Variants in MYO1E observed in about 807,000 individuals in gnomAD.
The protein encoded by MYO1E is unconventional myosin-Ie.
In MYO1E, 68 loss-of-function variants were observed where a neutral mutation model predicts 151.1. That is an observed-to-expected ratio of 0.45 (90% confidence interval 0.37 to 0.55). MYO1E has a LOEUF of 0.55. Among genes scored for constraint, MYO1E ranks in the 20% least tolerant of loss-of-function variants. The pLI is 0.00. For synonymous variants in MYO1E, 601 were observed against 501.7 expected, an observed-to-expected ratio of 1.20 and a Z score of -2.64; for missense variants, 1,363 against 1,389.3, an observed-to-expected ratio of 0.98 and a Z score of 0.30.
intron 26 of MYO1E, among the ~76,000 whole-genome samples, chr15:59,141,890 G>T (rs1345272543): frequency 6.6e-6 from 1 of 151,208 alleles, no homozygotes; most frequent in Non-Finnish European, 1.5e-5. Flanking sequence ...GGTGGATCAT[G>T]AGGTCAGGAG....
At chr15:59,267,158 C>T (rs558710737) in intron 2 of MYO1E, among the ~76,000 whole-genome samples, 8 of 148,872 alleles carry the variant, frequency 5.4e-5, no homozygotes, top group African/African-American at 9.9e-5. Context: ...CCCGAGTAGC[C>T]GGGACTACAG....
rs1205899949 is a variant in MYO1E, at chr15:59,154,567, T to G, written c.2879-776A>C. ...GAGTGGAGAAAGAGAACAAGACTCT[T>G]CAAGGCCCACTTTGGTGAACCCTAC... is the stretch of plus-strand genomic sequence containing the variant. On this transcript the variant is annotated intron_variant, in intron 25 of 27. Coordinates refer to ENST00000288235, the MANE Select transcript of MYO1E (RefSeq NM_004998.4). Among the ~76,000 whole-genome samples, 16 of 152,188 alleles carry G rather than the reference T, an allele frequency of 1.1e-4. 1 individual carries two copies. Among genetic ancestry groups the G allele is most frequent in the Admixed American group, 1.0e-3 (16 of 15,282 alleles).
chr15:59,343,600 A>ATC (rs1471956426), intron 1 of MYO1E, among the ~76,000 whole-genome samples: 1 of 151,632 alleles, frequency 6.6e-6, no homozygotes, highest in Non-Finnish European at 1.5e-5. Flanking sequence ...TTCCACCATT[A>ATC]TCTCTCTCTC....
intron 16 of MYO1E, among the ~76,000 whole-genome samples, chr15:59,200,400 C>T (rs1396870918): frequency 6.6e-6 from 1 of 152,198 alleles, no homozygotes; most frequent in Non-Finnish European, 1.5e-5. Flanking sequence ...GCAATCTGCC[C>T]CAGTGAGCCT....
chr15:59,150,886 T>C (rs914608406), intron 26 of MYO1E, among the ~76,000 whole-genome samples: 39 of 152,100 alleles, frequency 2.6e-4, no homozygotes, highest in African/African-American at 9.2e-4. Context: ...CGGATTCTAC[T>C]GCACACTAGA....
intron 4 of MYO1E, among the ~76,000 whole-genome samples, chr15:59,251,842 A>G (rs1333579932): frequency 6.6e-6 from 1 of 152,258 alleles, no homozygotes; most frequent in Non-Finnish European, 1.5e-5. Context: ...GTTGACATAG[A>G]AAAGGATTAT....
Position 59,248,161 on chromosome 15 carries a change from T to C in MYO1E, c.332+8123A>G, listed in dbSNP as rs1314817107. Among the ~76,000 whole-genome samples the C allele has an allele frequency of 2.5e-5, 3 of 121,640 alleles. No individual in the cohort carries two copies. The South Asian group carries it at 7.5e-4, about 30-fold the overall frequency. 79.8% of individuals were successfully genotyped at this position (121,640 alleles called of 152,430 possible). A position where few individuals can be genotyped will look rare whatever the true frequency, so the allele number is the denominator to read the frequency against. On this transcript the variant is annotated intron_variant, in intron 4 of 27. Coordinates refer to ENST00000288235, the MANE Select transcript of MYO1E (RefSeq NM_004998.4). ...AAAAAAAAAAAAAAAAAAAGATAAA[T>C]TAGTGAACACAAGGCATGGTAGATA... is the stretch of plus-strand genomic sequence containing the variant.
chr15:59,232,193 A>C (rs2080032442), intron 5 of MYO1E, among the ~76,000 whole-genome samples: 1 of 152,078 alleles, frequency 6.6e-6, no homozygotes, highest in Non-Finnish European at 1.5e-5. Flanking sequence ...AACCCATCTC[A>C]TCCCATCTCC....
intron 18 of MYO1E, 98 bp downstream of exon 18, chr15:59,188,020 G>A: frequency 1.1e-6 from 1 of 902,040 alleles, no homozygotes; most frequent in Non-Finnish European, 1.8e-6. Flanking sequence ...TACGTTAAAA[G>A]CCATTGACTC....
intron 26 of MYO1E, among the ~76,000 whole-genome samples, chr15:59,147,959 C>T (rs1254520034): frequency 1.3e-5 from 2 of 152,140 alleles, no homozygotes; most frequent in Non-Finnish European, 2.9e-5. Flanking sequence ...AGAATAAAGC[C>T]ACTGGGCCAG....
At chr15:59,270,542 TA>T (rs777284445) in intron 2 of MYO1E, among the ~76,000 whole-genome samples, 1,307 of 104,762 alleles carry the variant, frequency 0.012, 19 homozygotes, top group African/African-American at 0.038. Context: ...GACCCTGTCT[TA>T]AAAAAAAAAA....
Position 59,224,757 on chromosome 15 carries a change from A to G in MYO1E, c.709T>C (p.Tyr237His). 6.2e-7 allele frequency: 1 copy of G among 1,614,208 alleles called. No individual in the cohort carries two copies. The highest frequency in any genetic ancestry group is 2.2e-5 in the East Asian group (1 of 44,880). ...LGITSMDYYY[Y>H]LSLSGSYKVD... ...TTGTATGAGCCCGAGAGGCTCAGGT[A>G]GTAATAATAGTCCATGCTGGTGATG... is the stretch of plus-strand genomic sequence containing the variant. The change falls in exon 8 of 28, where the codon TAC becomes CAC. Residue 237 changes from tyrosine (Y) to histidine (H), a missense_variant. By Grantham distance (83) the Tyr-to-His change is moderately conservative. Transcript: ENST00000288235.
intron 6 of MYO1E, among the ~76,000 whole-genome samples, chr15:59,229,010 C>A (rs775347347): frequency 6.6e-6 from 1 of 152,196 alleles, no homozygotes; most frequent in Non-Finnish European, 1.5e-5. Context: ...CATCGCTCTG[C>A]GGAATGTCAG....
intron 1 of MYO1E, among the ~76,000 whole-genome samples, chr15:59,343,233 G>T (rs2080775548): frequency 6.6e-6 from 1 of 151,762 alleles, no homozygotes; most frequent in African/African-American, 2.4e-5. Flanking sequence ...TGTCTGGGAA[G>T]GTCTTAATTT....
At chr15:59,369,963 T>TTTC (rs373650655) in intron 1 of MYO1E, among the ~76,000 whole-genome samples, 2 of 151,490 alleles carry the variant, frequency 1.3e-5, no homozygotes, top group Admixed American at 6.6e-5. Flanking sequence ...GGGCCTTCTT[T>TTTC]TTCTTCTTCT....
rs757944217 is a variant in MYO1E, at chr15:59,133,857, C to T, written c.*3523G>A. On this transcript the variant is annotated 3_prime_UTR_variant, in exon 28 of 28. Coordinates refer to ENST00000288235, the MANE Select transcript of MYO1E (RefSeq NM_004998.4). ...ACAGGCTGACTTGGTGTGACCAGCT[C>T]CACTCAGGGAGGGTCTGGGGATGAG... 7.2e-5 allele frequency: 11 copies of T among 152,214 alleles called. No homozygotes were observed. Among genetic ancestry groups the T allele is most frequent in the Non-Finnish European group, 1.2e-4 (8 of 68,076 alleles). 9.4% of individuals were successfully genotyped at this position (152,214 alleles called of 1,614,324 possible).
chr15:59,169,846 G>C (rs2079582035), intron 22 of MYO1E, among the ~76,000 whole-genome samples: 1 of 152,096 alleles, frequency 6.6e-6, no homozygotes. Flanking sequence ...AAGATAGTAA[G>C]TGTCAAAGTG....
intron 4 of MYO1E, among the ~76,000 whole-genome samples, chr15:59,240,209 A>T (rs1883229575): frequency 6.6e-6 from 1 of 152,198 alleles, no homozygotes; most frequent in African/African-American, 2.4e-5. Flanking sequence ...CCGTCTTCTG[A>T]CCTGCTGGAT....
At chr15:59,339,834 T>C (rs1183451076) in intron 1 of MYO1E, among the ~76,000 whole-genome samples, 1 of 148,190 alleles carries the variant, frequency 6.7e-6, no homozygotes, top group Non-Finnish European at 1.5e-5. Flanking sequence ...CAAAATTTTA[T>C]ATATACATAC....
Sources: allele counts gnomAD v4.1 joint callset (sites outside exome capture counted in the v4.1 genomes callset), GRCh38; gene constraint gnomAD v4.1.1; transcripts MANE v1.5; gene names NCBI Gene and HGNC (gene_info 2026-07-23, HGNC 2026-07-21).